MRLN: variants seen among roughly 807,000 people sequenced by gnomAD.
The protein encoded by MRLN is Linc-RNA activator of myogenesis.
At chr10:59,740,594 G>T (rs1840972446) in intron 1 of MRLN, among the ~76,000 whole-genome samples, 1 of 151,858 alleles carries the variant, frequency 6.6e-6, no homozygotes, top group African/African-American at 2.4e-5. Context: ...AATTTTGATA[G>T]AAAAAAGCTT....
At chr10:59,739,512 T>A (rs1840959009) in intron 1 of MRLN, 1 of 152,058 alleles carries the variant, frequency 6.6e-6, no homozygotes, top group Non-Finnish European at 1.5e-5. Context: ...TACAAAACAA[T>A]GACAAGAAAA....
intron 1 of MRLN, among the ~76,000 whole-genome samples, chr10:59,745,396 G>A (rs950426328): frequency 3.3e-5 from 5 of 152,028 alleles, no homozygotes; most frequent in East Asian, 1.9e-4. Context: ...TAGTTAAAAT[G>A]ACATGACCTT....
chr10:59,752,767 C>G (rs116018015), intron 1 of MRLN, among the ~76,000 whole-genome samples: 3 of 152,096 alleles, frequency 2.0e-5, no homozygotes, highest in African/African-American at 7.2e-5. Context: ...CTTTGAAGGA[C>G]TCTCAGAAGC....
At chr10:59,752,965 T>A (rs1180880964) in intron 1 of MRLN, among the ~76,000 whole-genome samples, 2 of 152,206 alleles carry the variant, frequency 1.3e-5, no homozygotes, top group Non-Finnish European at 2.9e-5. Context: ...ACTTTTCATA[T>A]GTGAAAATTC....
At chr10:59,745,907 CACAACAACAAAAAAACAA>C (rs1456437232) in intron 1 of MRLN, among the ~76,000 whole-genome samples, 3 of 151,948 alleles carry the variant, frequency 2.0e-5, no homozygotes, top group African/African-American at 7.3e-5. Context: ...CAAAAAAAAC[CACAACAACAAAAAAACAA>C]ACAACAACAA....
At chr10:59,749,298 C>G (rs752548935) in intron 1 of MRLN, among the ~76,000 whole-genome samples, 2 of 152,190 alleles carry the variant, frequency 1.3e-5, no homozygotes, top group Admixed American at 6.5e-5. Flanking sequence ...AGCTGTCCAA[C>G]GTTACACACG....
chr10:59,746,205 C>T (rs1475207001), intron 1 of MRLN, among the ~76,000 whole-genome samples: 1 of 152,138 alleles, frequency 6.6e-6, no homozygotes, highest in Non-Finnish European at 1.5e-5. Flanking sequence ...TTGTTTCAAT[C>T]AATGTCTAAC....
intron 1 of MRLN, among the ~76,000 whole-genome samples, chr10:59,752,888 A>C (rs2070177802): frequency 6.6e-6 from 1 of 152,172 alleles, no homozygotes; most frequent in Non-Finnish European, 1.5e-5. Flanking sequence ...ACCTATAACA[A>C]GGGGGAAAAA....
intron 1 of MRLN, among the ~76,000 whole-genome samples, chr10:59,745,211 A>G (rs1280656414): frequency 6.6e-6 from 1 of 152,202 alleles, no homozygotes; most frequent in Non-Finnish European, 1.5e-5. Flanking sequence ...TAGCTATTTA[A>G]CAGCAGTAAT....
At chr10:59,740,646 C>T (rs1173725689) in intron 1 of MRLN, among the ~76,000 whole-genome samples, 1 of 151,894 alleles carries the variant, frequency 6.6e-6, no homozygotes, top group Admixed American at 6.6e-5. Context: ...TGTGTACAGC[C>T]ATACAATGTG....
At chr10:59,743,727 C>T (rs960255691) in intron 1 of MRLN, among the ~76,000 whole-genome samples, 2 of 152,154 alleles carry the variant, frequency 1.3e-5, no homozygotes, top group Non-Finnish European at 2.9e-5. Flanking sequence ...CGAGGCTGGA[C>T]TGTACTGCTG....
At chr10:59,750,467 T>C (rs998981149) in intron 1 of MRLN, among the ~76,000 whole-genome samples, 20 of 152,206 alleles carry the variant, frequency 1.3e-4, no homozygotes, top group Non-Finnish European at 2.6e-4. Context: ...GTTCTGGCCC[T>C]AAAAAGAACA....
intron 1 of MRLN, among the ~76,000 whole-genome samples, chr10:59,741,298 C>A (rs906555026): frequency 2.0e-5 from 3 of 152,134 alleles, no homozygotes; most frequent in African/African-American, 7.2e-5. Context: ...ATGGGAAGTG[C>A]CCTATACAGG....
At chr10:59,743,711 C>T (rs1841008320) in intron 1 of MRLN, among the ~76,000 whole-genome samples, 2 of 152,188 alleles carry the variant, frequency 1.3e-5, no homozygotes, top group Admixed American at 1.3e-4. Context: ...CCCTCTGATG[C>T]CCAGCCGAGG....
At chr10:59,737,792 G>A (rs1420027479) in intron 2 of MRLN, among the ~76,000 whole-genome samples, 1 of 152,036 alleles carries the variant, frequency 6.6e-6, no homozygotes, top group Non-Finnish European at 1.5e-5. Flanking sequence ...TGGAATTTGT[G>A]GTCTGCATTC....
intron 2 of MRLN, 23 bp from the exon 3 acceptor site, chr10:59,737,243 C>T (rs933045506): frequency 1.3e-4 from 52 of 392,704 alleles, no homozygotes; most frequent in African/African-American, 1.0e-3. Flanking sequence ...AGAAAAGTAT[C>T]CTCAAATGAA....
chr10:59,752,423 C>T (rs2070167878), intron 1 of MRLN, among the ~76,000 whole-genome samples: 1 of 152,182 alleles, frequency 6.6e-6, no homozygotes, highest in African/African-American at 2.4e-5. Context: ...CTATGATTCT[C>T]ATTTTACAAA....
At chr10:59,737,837 G>A (rs1840940192) in intron 2 of MRLN, among the ~76,000 whole-genome samples, 2 of 152,056 alleles carry the variant, frequency 1.3e-5, no homozygotes, top group African/African-American at 4.8e-5. Flanking sequence ...ACGTCTGTTA[G>A]GCAGGACATT....
At chr10:59,748,768 A>G (rs936609085) in intron 1 of MRLN, among the ~76,000 whole-genome samples, 11 of 152,242 alleles carry the variant, frequency 7.2e-5, no homozygotes, top group African/African-American at 2.7e-4. Context: ...CATTTATGAT[A>G]GACTGGATTC....
Sources: allele counts gnomAD v4.1 joint callset (sites outside exome capture counted in the v4.1 genomes callset), GRCh38; gene constraint gnomAD v4.1.1; transcripts MANE v1.5; gene names NCBI Gene and HGNC (gene_info 2026-07-23, HGNC 2026-07-21).